The following ABLIM2 variants were observed in gnomAD, a reference collection of about 807,000 sequenced individuals.
ABLIM2 encodes actin binding LIM protein family member 2, also known as actin-binding LIM protein 2.
Under a neutral mutation model 97.7 loss-of-function variants are expected in ABLIM2, and 53 were observed. The ratio of observed to expected loss-of-function variants is 0.54; its 90% CI spans 0.44 to 0.68. ABLIM2 has a LOEUF of 0.68. ABLIM2 is among the 30% of genes least tolerant of loss of function. The pLI is 0.00. For missense variants in ABLIM2, 835 were observed against 867.2 expected (o/e 0.96, Z 0.47); for synonymous variants, 361 against 345.8 (o/e 1.04, Z -0.49).
At position 8,104,060 on chromosome 4, in the gene ABLIM2, G is replaced by C. The variant is rs559478079; in HGVS notation, c.154+2434C>G. On this transcript the variant is annotated intron_variant, in intron 2 of 20. Coordinates refer to ENST00000447017, the MANE Select transcript of ABLIM2 (RefSeq NM_001130083.2). The stretch of plus-strand genomic sequence containing the variant: ...AAAGCATGAAATCCACTAGCTGCAG[G>C]GAGAGAAAGGCCAGGGTGGAGGCCA... Among the ~76,000 whole-genome samples the C allele has an allele frequency of 3.9e-5, 6 of 152,340 alleles. No homozygotes were observed. In the East Asian group the frequency reaches 9.6e-4, roughly 24 times the overall value.
chr4:8,074,140 G>A (rs1052413142), intron 6 of ABLIM2, among the ~76,000 whole-genome samples: 3 of 149,094 alleles, frequency 2.0e-5, no homozygotes, highest in Non-Finnish European at 4.4e-5. Context: ...GCCTCACTAG[G>A]GATGGAAGAA....
rs17771976 is a variant in ABLIM2 at position 7,992,457 on chromosome 4, C to T, written c.1680+409G>A. 2.6e-5 allele frequency among the ~76,000 whole-genome samples: 4 copies of T among 152,052 alleles called. No homozygotes were observed. Among genetic ancestry groups the T allele is most frequent in the Non-Finnish European group, 4.4e-5 (3 of 68,002 alleles). ...ATAGCAGGGAAGGCCAGGGCATCCCCGAGAAGGAGGTGGGCACTTGGCTCA... is the reference window on the plus strand; with the variant it reads ...ATAGCAGGGAAGGCCAGGGCATCCCTGAGAAGGAGGTGGGCACTTGGCTCA... On this transcript the variant is annotated intron_variant, in intron 17 of 20. Coordinates refer to ENST00000447017, the MANE Select transcript of ABLIM2 (RefSeq NM_001130083.2). This position sits in a 1 kb window ranked among gnomAD's most constrained non-coding sequence, Gnocchi z 5.7.
rs1775361109 is a variant in ABLIM2 at position 8,023,546 on chromosome 4, A to G, written c.1268-3243T>C. ...ATCACTGGCCGTGGCGGCCTTGCTG[A>G]CCGGGTCATGCTCGTCAGCCATGGT... On this transcript the variant is annotated intron_variant, in intron 12 of 20. Coordinates refer to ENST00000447017, the MANE Select transcript of ABLIM2 (RefSeq NM_001130083.2). This position sits in a 1 kb window ranked among gnomAD's most constrained non-coding sequence, Gnocchi z 5.7. 6.6e-6 allele frequency among the ~76,000 whole-genome samples: 1 copy of G among 151,996 alleles called. No individual in the cohort carries two copies. The highest frequency in any genetic ancestry group is 6.6e-5 in the Admixed American group (1 of 15,264).
chr4:8,108,666 C>T (rs1239220664), intron 1 of ABLIM2, among the ~76,000 whole-genome samples: 1 of 152,234 alleles, frequency 6.6e-6, no homozygotes, highest in Non-Finnish European at 1.5e-5. Context: ...CACGGGACGC[C>T]CCCCTTCTGG....
chr4:8,068,702 C>A lies in ABLIM2; in HGVS notation c.676-7648G>T, dbSNP rs1344560559. 6.6e-6 allele frequency among the ~76,000 whole-genome samples: 1 copy of A among 152,186 alleles called. No individual in the cohort carries two copies. Among genetic ancestry groups the A allele is most frequent in the Non-Finnish European group, 1.5e-5 (1 of 68,040 alleles). On this transcript the variant is annotated intron_variant, in intron 6 of 20. Coordinates refer to ENST00000447017, the MANE Select transcript of ABLIM2 (RefSeq NM_001130083.2). This position sits in a 1 kb window ranked among gnomAD's most constrained non-coding sequence, Gnocchi z 4.5. ...ACTTCCCCTTGCTTCTTCCCCGCTG[C>A]GGGCTCCCGCTCAGCCGAGGGCCAG...
intron 14 of ABLIM2, among the ~76,000 whole-genome samples, chr4:8,011,723 AG>A: frequency 6.6e-6 from 1 of 152,362 alleles, no homozygotes; most frequent in Non-Finnish European, 1.5e-5. Flanking sequence ...TGTATCACAC[AG>A]GCAGCTCCTT....
intron 9 of ABLIM2, among the ~76,000 whole-genome samples, chr4:8,039,417 G>A (rs1411048238): frequency 1.3e-5 from 2 of 152,184 alleles, no homozygotes; most frequent in Admixed American, 1.3e-4. Flanking sequence ...CCTGCACGAT[G>A]CCAACAGCCC....
At position 8,068,855 on chromosome 4, in the gene ABLIM2, G is replaced by A. The variant is rs1170500006; in HGVS notation, c.676-7801C>T. Among the ~76,000 whole-genome samples, 1 of 152,258 alleles carries A rather than the reference G, an allele frequency of 6.6e-6. No homozygotes were observed. Among genetic ancestry groups the A allele is most frequent in the Admixed American group, 6.5e-5 (1 of 15,288 alleles). On this transcript the variant is annotated intron_variant, in intron 6 of 20. Coordinates refer to ENST00000447017, the MANE Select transcript of ABLIM2 (RefSeq NM_001130083.2). The surrounding 1 kb of genome is among the most constrained non-coding windows in gnomAD (Gnocchi z 4.5). ...CCAGAACTGAGTCCAGGTCTTAAAA[G>A]ACCTAATCACCATGATGCACAAACA... is the stretch of plus-strand genomic sequence containing the variant.
chr4:8,131,869 T>A (rs866372026), intron 1 of ABLIM2, among the ~76,000 whole-genome samples: 14 of 104,158 alleles, frequency 1.3e-4, no homozygotes, highest in South Asian at 3.3e-4. Flanking sequence ...CCGCATCCCC[T>A]GCACAGCAGC....
At position 8,005,209 on chromosome 4, in the gene ABLIM2, G is replaced by A. The variant is rs548230444; in HGVS notation, c.1618+2850C>T. On this transcript the variant is annotated intron_variant, in intron 16 of 20. Transcript: ENST00000447017. The surrounding 1 kb of genome is among the most constrained non-coding windows in gnomAD (Gnocchi z 4.9). ...ATGCGTGTGCGCTCGCTCTGTCGGCGTCTCTGCCTCTCTCAGCTCCCTGCA... is the reference window on the plus strand; with the variant it reads ...ATGCGTGTGCGCTCGCTCTGTCGGCATCTCTGCCTCTCTCAGCTCCCTGCA... 9.1e-5 allele frequency: 42 copies of A among 459,360 alleles called. No homozygotes were observed. The highest frequency in any genetic ancestry group is 1.5e-4 in the Non-Finnish European group (34 of 221,920). The allele number at this position is 459,360 out of a possible 1,614,324, so 28.5% of individuals were successfully genotyped here.
At chr4:8,144,379 C>T (rs1294933274) in intron 1 of ABLIM2, among the ~76,000 whole-genome samples, 3 of 152,238 alleles carry the variant, frequency 2.0e-5, no homozygotes, top group South Asian at 2.1e-4. Context: ...GATGACACTG[C>T]CCCTTATGCC....
intron 20 of ABLIM2, among the ~76,000 whole-genome samples, chr4:7,969,181 T>C (rs1725511248): frequency 6.6e-6 from 1 of 151,938 alleles, no homozygotes; most frequent in African/African-American, 2.4e-5. Context: ...TGGATGGGTG[T>C]GGTGGCTCAC....
chr4:8,060,854 G>A (rs1421201456), intron 7 of ABLIM2, 113 bp downstream of exon 7: 28 of 916,134 alleles, frequency 3.1e-5, no homozygotes, highest in Non-Finnish European at 4.0e-5. Flanking sequence ...TGGGCTGCTC[G>A]TGACCTAGCG....
Position 8,148,707 on chromosome 4 carries a change from A to G in ABLIM2, c.10+9973T>C, listed in dbSNP as rs1711520894. 6.6e-6 allele frequency among the ~76,000 whole-genome samples: 1 copy of G among 152,164 alleles called. No individual in the cohort carries two copies. The highest frequency in any genetic ancestry group is 1.5e-5 in the Non-Finnish European group (1 of 68,008). On this transcript the variant is annotated intron_variant, in intron 1 of 20. Transcript: ENST00000447017. This position sits in a 1 kb window ranked among gnomAD's most constrained non-coding sequence, Gnocchi z 6.7. ...GCAAATGCTACATCCCAAGGTGTCC[A>G]TTGCCCCAAACCACACAGGAACTCA...
At chr4:8,133,139 G>T (rs1191032934) in intron 1 of ABLIM2, among the ~76,000 whole-genome samples, 1 of 152,138 alleles carries the variant, frequency 6.6e-6, no homozygotes, top group Non-Finnish European at 1.5e-5. Context: ...CTCTGCCTCC[G>T]ATGTCACGTG....
At chr4:7,993,395 ACTT>A (rs772914118) in intron 16 of ABLIM2, among the ~76,000 whole-genome samples, 1 of 152,238 alleles carries the variant, frequency 6.6e-6, no homozygotes, top group Non-Finnish European at 1.5e-5. Context: ...ATTTTAATAA[ACTT>A]CTTGGCTGGG....
intron 8 of ABLIM2, among the ~76,000 whole-genome samples, chr4:8,047,130 C>A (rs1476957804): frequency 1.3e-5 from 2 of 152,198 alleles, no homozygotes; most frequent in Non-Finnish European, 2.9e-5. Context: ...TGTGGGGCCA[C>A]GTGCAGCAGC....
intron 12 of ABLIM2, among the ~76,000 whole-genome samples, chr4:8,026,530 G>C (rs963662615): frequency 6.6e-6 from 1 of 152,240 alleles, no homozygotes; most frequent in Non-Finnish European, 1.5e-5. Context: ...CCACCTTCTC[G>C]CTGCCTGCGG....
At chr4:8,036,099 G>A in intron 10 of ABLIM2, 50 bp downstream of exon 10, 4 of 1,601,248 alleles carry the variant, frequency 2.5e-6, no homozygotes, top group Non-Finnish European at 3.4e-6. Context: ...GTCCTGCAGG[G>A]CAGCACTTGG....
Sources: allele counts gnomAD v4.1 joint callset (sites outside exome capture counted in the v4.1 genomes callset), GRCh38; gene constraint gnomAD v4.1.1; non-coding constraint Gnocchi (gnomAD v3.1); transcripts MANE v1.5; gene names NCBI Gene and HGNC (gene_info 2026-07-23, HGNC 2026-07-21).